The following NR3C2 variants were observed in gnomAD, a reference collection of about 807,000 sequenced individuals.
The protein encoded by NR3C2 is nuclear receptor subfamily 3 group C member 2, also known as mineralocorticoid receptor.
A neutral mutation model predicts 86.4 loss-of-function variants in NR3C2; 15 were observed. The ratio of observed to expected loss-of-function variants is 0.17; its 90% CI spans 0.12 to 0.27. The LOEUF is 0.27. Among genes scored for constraint, NR3C2 ranks in the 10% least tolerant of loss-of-function variants. The pLI is 1.00. For synonymous variants in NR3C2, 458 were observed against 450.5 expected (o/e 1.02, Z -0.21); for missense variants, 960 against 1,195.6 (o/e 0.80, Z 2.91).
chr4:148,379,290 G>A (rs186242677), intron 2 of NR3C2, among the ~76,000 whole-genome samples: 6 of 151,794 alleles, frequency 4.0e-5, no homozygotes, highest in East Asian at 1.9e-4. Context: ...AATTGAAGTC[G>A]TTAGAAATTC....
chr4:148,119,537 TA>T (rs112332322), intron 7 of NR3C2, among the ~76,000 whole-genome samples: 19 of 152,330 alleles, frequency 1.2e-4, no homozygotes, highest in African/African-American at 4.3e-4. Flanking sequence ...CTCACGCCTA[TA>T]ATCTCAGCAC....
upstream of NR3C2, chr4:148,444,767 C>T: frequency 1.0e-6 from 1 of 984,778 alleles, no homozygotes; most frequent in Non-Finnish European, 1.2e-6. Context: ...CGCGGGCACC[C>T]GCCCGCCCCC....
chr4:148,387,506 C>CA lies in NR3C2; in HGVS notation c.1757+47597dup, dbSNP rs1747325194. ...TGGATATCTCCAAGAACAACAAAAACAAAAAATCACAACTGTATACTCTCA... is the reference window on the plus strand; with the variant it reads ...TGGATATCTCCAAGAACAACAAAAACAAAAAAATCACAACTGTATACTCTCA... On this transcript the variant is annotated intron_variant, in intron 2 of 8. Coordinates refer to ENST00000358102, the MANE Select transcript of NR3C2 (RefSeq NM_000901.5). Among the ~76,000 whole-genome samples the CA allele has an allele frequency of 2.0e-5, 3 of 152,170 alleles. No homozygotes were observed. In the South Asian group the frequency reaches 6.2e-4, roughly 32 times the overall value.
At chr4:148,193,892 T>C (rs1736318559) in intron 4 of NR3C2, among the ~76,000 whole-genome samples, 1 of 152,220 alleles carries the variant, frequency 6.6e-6, no homozygotes, top group African/African-American at 2.4e-5. Flanking sequence ...GTTATCCAAT[T>C]GTCATAGTAT....
intron 2 of NR3C2, among the ~76,000 whole-genome samples, chr4:148,381,298 A>G (rs1579230388): frequency 6.6e-6 from 1 of 152,126 alleles, no homozygotes; most frequent in Non-Finnish European, 1.5e-5. Context: ...TCAATATCTT[A>G]TGGCAAAAGT....
intron 2 of NR3C2, among the ~76,000 whole-genome samples, chr4:148,415,594 G>T (rs1261516971): frequency 1.3e-5 from 2 of 152,092 alleles, no homozygotes; most frequent in East Asian, 3.9e-4. Flanking sequence ...CATGTGCAGG[G>T]TCCATGCCTC....
intron 2 of NR3C2, among the ~76,000 whole-genome samples, chr4:148,282,425 T>A (rs183656468): frequency 6.6e-6 from 1 of 152,210 alleles, no homozygotes; most frequent in Non-Finnish European, 1.5e-5. Flanking sequence ...AATAGGAAAA[T>A]TAAATGGAAA....
intron 4 of NR3C2, among the ~76,000 whole-genome samples, chr4:148,165,208 T>C (rs2149778857): frequency 6.6e-6 from 1 of 152,366 alleles, no homozygotes; most frequent in East Asian, 1.9e-4. Flanking sequence ...AATTATTCTG[T>C]TCTCCCTCTA....
At chr4:148,114,917 C>T (rs1381788483) in intron 7 of NR3C2, among the ~76,000 whole-genome samples, 1 of 152,168 alleles carries the variant, frequency 6.6e-6, no homozygotes, top group East Asian at 1.9e-4. Flanking sequence ...GCACCAGGAT[C>T]TCATGACCAC....
chr4:148,147,636 G>A (rs1318945209), intron 6 of NR3C2, among the ~76,000 whole-genome samples: 1 of 152,188 alleles, frequency 6.6e-6, no homozygotes, highest in African/African-American at 2.4e-5. Context: ...GGTGGGAGGT[G>A]GTATAAACAG....
chr4:148,210,357 A>C (rs369387786), intron 3 of NR3C2, among the ~76,000 whole-genome samples: 3 of 152,092 alleles, frequency 2.0e-5, no homozygotes, highest in African/African-American at 7.2e-5. Flanking sequence ...CGCTGGGCTA[A>C]TTTTTTGTGT....
intron 6 of NR3C2, among the ~76,000 whole-genome samples, chr4:148,144,456 G>A (rs1733767698): frequency 1.3e-5 from 2 of 152,170 alleles, no homozygotes; most frequent in Non-Finnish European, 2.9e-5. Context: ...GCTTCCCAAA[G>A]TGCTGGGATT....
intron 2 of NR3C2, among the ~76,000 whole-genome samples, chr4:148,396,139 A>G (rs112027752): frequency 4.6e-5 from 7 of 152,246 alleles, no homozygotes; most frequent in African/African-American, 7.2e-5. Flanking sequence ...CTAAAACAAA[A>G]TAGTCTTGAA....
chr4:148,159,027 C>T lies in NR3C2; in HGVS notation c.2015-4126G>A, dbSNP rs72653817. On this transcript the variant is annotated intron_variant, in intron 4 of 8. Transcript: ENST00000358102. ...ATCTTTTCTAAAAGGGCCAAAAATA[C>T]GGTTACTTAATTCATTATATTTATA... 2.9e-3 allele frequency among the ~76,000 whole-genome samples: 445 copies of T among 152,238 alleles called. 5 individuals are homozygous for T. Among genetic ancestry groups the T allele is most frequent in the African/African-American group, 0.01 (421 of 41,540 alleles).
At chr4:148,130,779 A>G (rs1250939002) in intron 6 of NR3C2, among the ~76,000 whole-genome samples, 5 of 148,540 alleles carry the variant, frequency 3.4e-5, no homozygotes, top group Admixed American at 1.3e-4. Flanking sequence ...AGGCCTCTCA[A>G]TGAACACGTT....
chr4:148,284,495 T>C (rs372836200), intron 2 of NR3C2, among the ~76,000 whole-genome samples: 4 of 152,182 alleles, frequency 2.6e-5, no homozygotes, highest in African/African-American at 7.2e-5. Flanking sequence ...GCAATTTTAC[T>C]TTTACCTATA....
intron 2 of NR3C2, among the ~76,000 whole-genome samples, chr4:148,369,586 C>A (rs1359656784): frequency 1.3e-5 from 2 of 152,184 alleles, no homozygotes; most frequent in Non-Finnish European, 2.9e-5. Flanking sequence ...TTCTTTAGCA[C>A]TTTGAGTATA....
chr4:148,353,613 G>GT (rs1244230556), intron 2 of NR3C2, among the ~76,000 whole-genome samples: 1 of 152,110 alleles, frequency 6.6e-6, no homozygotes, highest in Non-Finnish European at 1.5e-5. Flanking sequence ...AATTGGAATT[G>GT]TAAGTTTTCT....
At chr4:148,441,164 G>C (rs561931629) in intron 1 of NR3C2, among the ~76,000 whole-genome samples, 1 of 152,232 alleles carries the variant, frequency 6.6e-6, no homozygotes, top group East Asian at 1.9e-4. Flanking sequence ...CTAATTTACC[G>C]AGCCACCTGA....
Sources: allele counts gnomAD v4.1 joint callset (sites outside exome capture counted in the v4.1 genomes callset), GRCh38; gene constraint gnomAD v4.1.1; transcripts MANE v1.5; gene names NCBI Gene and HGNC (gene_info 2026-07-23, HGNC 2026-07-21).